The following SFMBT1 variants were observed in gnomAD, a reference collection of about 807,000 sequenced individuals.
SFMBT1 encodes the protein scm-like with four MBT domains protein 1.
A neutral mutation model predicts 108.7 loss-of-function variants in SFMBT1; 32 were observed. The ratio of observed to expected loss-of-function variants is 0.29; its 90% CI spans 0.22 to 0.40. The LOEUF (loss-of-function observed/expected upper bound fraction) is 0.40. SFMBT1 is among the 10% of genes least tolerant of loss of function. SFMBT1 has a pLI of 1.00. For synonymous variants in SFMBT1, 348 were observed against 369.5 expected, an observed-to-expected ratio of 0.94 and a Z score of 0.67; for missense variants, 816 against 1,059.6, an observed-to-expected ratio of 0.77 and a Z score of 3.19.
rs544307711 is a variant in SFMBT1 at position 52,906,259 on chromosome 3, C to T, written c.2332-18G>A. The T allele has an allele frequency of 5.6e-6, 9 of 1,613,762 alleles. No individual in the cohort carries two copies. Among genetic ancestry groups the T allele is most frequent in the East Asian group, 2.2e-5 (1 of 44,880 alleles). On this transcript the variant is annotated intron_variant, in intron 19 of 20. Transcript: ENST00000394752. ...CTTATTTCCTTCATTCCCCACAACA[C>T]AATCAAACCAAATGGTGTTACGGCT... is the stretch of plus-strand genomic sequence containing the variant.
At chr3:53,044,851 T>A (rs565518067) in intron 1 of SFMBT1, 2 of 152,604 alleles carry the variant, frequency 1.3e-5, no homozygotes, top group Non-Finnish European at 2.9e-5. Context: ...CACCACTCCT[T>A]GAGCACAAGC....
chr3:52,991,342 C>CTTTTTTTTTT (rs71087045), intron 1 of SFMBT1, among the ~76,000 whole-genome samples: 1,266 of 90,928 alleles, frequency 0.014, 55 homozygotes, highest in Middle Eastern at 0.041. Flanking sequence ...GCTGAAACTT[C>CTTTTTTTTTT]TTTTTTTTTT....
chr3:52,994,359 C>T (rs2336721), intron 1 of SFMBT1, among the ~76,000 whole-genome samples: 42,998 of 149,500 alleles, frequency 0.29, 8,711 homozygotes, highest in Middle Eastern at 0.43. Flanking sequence ...AACAGAGACA[C>T]ATCAATCACA....
chr3:52,984,240 A>G (rs914295509), intron 1 of SFMBT1, among the ~76,000 whole-genome samples: 20 of 152,346 alleles, frequency 1.3e-4, no homozygotes, highest in South Asian at 4.1e-4. Context: ...CCTCACCACT[A>G]AAGGTTTGTT....
chr3:52,996,309 T>G (rs1348343658), intron 1 of SFMBT1, among the ~76,000 whole-genome samples: 1 of 145,526 alleles, frequency 6.9e-6, no homozygotes, highest in Non-Finnish European at 1.5e-5. Flanking sequence ...CCTCCTGGGT[T>G]CAAGTGATCC....
At chr3:53,029,236 T>C (rs1575448825) in intron 1 of SFMBT1, among the ~76,000 whole-genome samples, 2 of 141,026 alleles carry the variant, frequency 1.4e-5, no homozygotes, top group South Asian at 4.4e-4. Context: ...AGAAAAAGAA[T>C]AGACTACCAC....
intron 10 of SFMBT1, among the ~76,000 whole-genome samples, chr3:52,922,940 A>C (rs1002858822): frequency 6.6e-6 from 1 of 152,228 alleles, no homozygotes; most frequent in Non-Finnish European, 1.5e-5. Context: ...TGATATGATA[A>C]GCCCAGGAAG....
At chr3:53,008,998 G>A (rs1698851303) in intron 1 of SFMBT1, among the ~76,000 whole-genome samples, 1 of 152,028 alleles carries the variant, frequency 6.6e-6, no homozygotes, top group African/African-American at 2.4e-5. Flanking sequence ...ATACCAGCCA[G>A]GCATGGTGGC....
Position 52,943,412 on chromosome 3 carries a change from G to C in SFMBT1, c.305C>G (p.Ala102Gly). ...RADFWCDIRK[A>G]DLYPIGWCEQ... ...ACACCACCCAATGGGGTAGAGATCA[G>C]CCTTCCTGATGTCACACCAGAAATC... is the stretch of plus-strand genomic sequence containing the variant. Residue 102 changes from alanine to glycine, a missense_variant, in exon 4 of 21, where the codon GCT becomes GGT. Coordinates refer to ENST00000394752, the MANE Select transcript of SFMBT1 (RefSeq NM_016329.4). The C allele has an allele frequency of 6.2e-7, 1 of 1,614,210 alleles. No homozygotes were observed. Among genetic ancestry groups the C allele is most frequent in the African/African-American group, 1.3e-5 (1 of 75,052 alleles).
chr3:52,994,585 C>T (rs1698252528), intron 1 of SFMBT1, among the ~76,000 whole-genome samples: 1 of 150,416 alleles, frequency 6.6e-6, no homozygotes, highest in South Asian at 2.1e-4. Context: ...CCACAATCTC[C>T]GCCTCCTGGA....
At chr3:53,027,881 T>A (rs1699550952) in intron 1 of SFMBT1, among the ~76,000 whole-genome samples, 2 of 152,192 alleles carry the variant, frequency 1.3e-5, no homozygotes, top group South Asian at 4.1e-4. Context: ...TTTTTTTGTG[T>A]GAAAACTCAG....
intron 1 of SFMBT1, among the ~76,000 whole-genome samples, chr3:53,016,576 C>A (rs1699134094): frequency 6.6e-6 from 1 of 152,168 alleles, no homozygotes; most frequent in Admixed American, 6.5e-5. Context: ...TGAGACAATG[C>A]CTTTTCTTAT....
chr3:52,948,784 T>C (rs1703467027), intron 3 of SFMBT1, among the ~76,000 whole-genome samples: 1 of 148,920 alleles, frequency 6.7e-6, no homozygotes, highest in African/African-American at 2.5e-5. Context: ...CTGATGTAGC[T>C]AGGATTACAG....
intron 1 of SFMBT1, among the ~76,000 whole-genome samples, chr3:53,042,742 G>C (rs1233058769): frequency 6.6e-6 from 1 of 152,164 alleles, no homozygotes; most frequent in Non-Finnish European, 1.5e-5. Context: ...TATCTCTTTA[G>C]TTGCTTCTCT....
chr3:52,973,760 A>C (rs1704424299), intron 1 of SFMBT1, among the ~76,000 whole-genome samples: 1 of 152,106 alleles, frequency 6.6e-6, no homozygotes, highest in South Asian at 2.1e-4. Context: ...CCTCCCAAGT[A>C]GCTGGGATTA....
chr3:52,941,534 C>A lies in SFMBT1; in HGVS notation c.364+1819G>T, dbSNP rs1703181704. Among the ~76,000 whole-genome samples the A allele has an allele frequency of 2.3e-5, 3 of 128,464 alleles. No individual in the cohort carries two copies. In the South Asian group the frequency reaches 7.7e-4, roughly 33 times the overall value. 84.3% of individuals were successfully genotyped at this position (128,464 alleles called of 152,430 possible). ...GCTTGAACCCAGGAGGTGGAGGCTG[C>A]AGTGAGCTGAGATTGCGCCATTGCA... On this transcript the variant is annotated intron_variant, in intron 4 of 20. Transcript: ENST00000394752.
At chr3:53,012,277 TGAGAA>T (rs1309034290) in intron 1 of SFMBT1, among the ~76,000 whole-genome samples, 3 of 152,294 alleles carry the variant, frequency 2.0e-5, no homozygotes, top group East Asian at 1.9e-4. Flanking sequence ...TGTGGGTGGC[TGAGAA>T]GAGAAGGACA....
chr3:52,971,677 TA>T (rs1191095138), intron 1 of SFMBT1, among the ~76,000 whole-genome samples: 1 of 151,998 alleles, frequency 6.6e-6, no homozygotes, highest in East Asian at 1.9e-4. Flanking sequence ...AAGCCAACAA[TA>T]AAAAAATTAT....
intron 2 of SFMBT1, among the ~76,000 whole-genome samples, chr3:52,965,539 C>T (rs1313697184): frequency 6.6e-6 from 1 of 151,946 alleles, no homozygotes; most frequent in Non-Finnish European, 1.5e-5. Flanking sequence ...TCATCAGAAA[C>T]CATGGAGGCC....
Sources: allele counts gnomAD v4.1 joint callset (sites outside exome capture counted in the v4.1 genomes callset), GRCh38; gene constraint gnomAD v4.1.1; transcripts MANE v1.5; gene names NCBI Gene and HGNC (gene_info 2026-07-23, HGNC 2026-07-21).